SYN3: variants seen among roughly 807,000 people sequenced by gnomAD.
SYN3 encodes synapsin III.
SYN3 carries 35 observed loss-of-function variants against 65.8 expected under a neutral mutation model. The ratio of observed to expected loss-of-function variants is 0.53; its 90% CI spans 0.41 to 0.70. SYN3 has a LOEUF of 0.70. SYN3 is among the 30% of genes least tolerant of loss of function. The pLI, the probability that SYN3 is intolerant of heterozygous loss-of-function variation, is 0.00. For synonymous variants in SYN3, 270 were observed against 292.9 expected, an observed-to-expected ratio of 0.92 and a Z score of 0.80; for missense variants, 680 against 749.0, an observed-to-expected ratio of 0.91 and a Z score of 1.08.
At chr22:32,544,740 T>G (rs1411417685) in intron 7 of SYN3, among the ~76,000 whole-genome samples, 1 of 152,200 alleles carries the variant, frequency 6.6e-6, no homozygotes, top group African/African-American at 2.4e-5. Context: ...GTGGAGAGAA[T>G]CGGAATTGCC....
intron 7 of SYN3, among the ~76,000 whole-genome samples, chr22:32,543,009 G>A (rs950889441): frequency 7.2e-5 from 11 of 152,100 alleles, no homozygotes. Flanking sequence ...GCAGAGCCCT[G>A]TGGAGTGGCC....
intron 1 of SYN3, among the ~76,000 whole-genome samples, chr22:33,026,590 T>C (rs1039459825): frequency 6.6e-6 from 1 of 152,224 alleles, no homozygotes; most frequent in Non-Finnish European, 1.5e-5. Flanking sequence ...CTTTGACCAG[T>C]TGGGCTCTCT....
At chr22:32,561,184 A>C (rs901632534) in intron 7 of SYN3, among the ~76,000 whole-genome samples, 55 of 152,140 alleles carry the variant, frequency 3.6e-4, no homozygotes, top group Non-Finnish European at 7.9e-4. Context: ...TGAAGCCCAG[A>C]ATGTCACCTG....
intron 4 of SYN3, among the ~76,000 whole-genome samples, chr22:32,921,938 C>T (rs1428835436): frequency 6.6e-6 from 1 of 152,170 alleles, no homozygotes; most frequent in Non-Finnish European, 1.5e-5. Flanking sequence ...CTGCAGCCTG[C>T]TCCAGAACTG....
At chr22:33,007,847 T>C (rs2053236722) in intron 1 of SYN3, among the ~76,000 whole-genome samples, 1 of 152,274 alleles carries the variant, frequency 6.6e-6, no homozygotes, top group Non-Finnish European at 1.5e-5. Context: ...AAACCCACAC[T>C]GTTCATTTGA....
At chr22:32,521,442 A>T (rs1367137781) in intron 12 of SYN3, among the ~76,000 whole-genome samples, 8 of 119,752 alleles carry the variant, frequency 6.7e-5, no homozygotes, top group African/African-American at 1.3e-4. Flanking sequence ...ACACCTCTTG[A>T]TTTTTTTTTT....
chr22:32,991,685 T>C (rs1289340681), intron 2 of SYN3, among the ~76,000 whole-genome samples: 1 of 152,198 alleles, frequency 6.6e-6, no homozygotes, highest in Non-Finnish European at 1.5e-5. Context: ...CGGACTGATT[T>C]GTCCCCTCTG....
At chr22:32,544,223 C>T (rs1388252805) in intron 7 of SYN3, among the ~76,000 whole-genome samples, 4 of 152,232 alleles carry the variant, frequency 2.6e-5, no homozygotes. Context: ...CACACTCGAG[C>T]CACTGCGCCT....
intron 1 of SYN3, among the ~76,000 whole-genome samples, chr22:33,054,764 C>T (rs533731199): frequency 6.6e-6 from 1 of 152,332 alleles, no homozygotes; most frequent in South Asian, 2.1e-4. Flanking sequence ...CTTGTTATGG[C>T]TGAGTAACAT....
intron 4 of SYN3, among the ~76,000 whole-genome samples, chr22:32,892,209 G>C (rs1418456371): frequency 6.6e-6 from 1 of 151,980 alleles, no homozygotes; most frequent in Non-Finnish European, 1.5e-5. Context: ...GGCAGGAGAA[G>C]TGCTTGAACC....
chr22:32,574,600 C>T (rs1259369607), intron 7 of SYN3, among the ~76,000 whole-genome samples: 2 of 152,210 alleles, frequency 1.3e-5, no homozygotes, highest in Admixed American at 1.3e-4. Flanking sequence ...GTTTCTCTGA[C>T]CTCATCTCCT....
chr22:32,551,117 TG>T (rs371997088), intron 7 of SYN3, among the ~76,000 whole-genome samples: 2 of 152,160 alleles, frequency 1.3e-5, no homozygotes, highest in African/African-American at 4.8e-5. Context: ...AGCTACTAAA[TG>T]CAAAAGAAAT....
intron 1 of SYN3, among the ~76,000 whole-genome samples, chr22:33,010,938 A>C (rs2053335745): frequency 6.6e-6 from 1 of 152,212 alleles, no homozygotes; most frequent in Non-Finnish European, 1.5e-5. Context: ...TATTATTTTC[A>C]ATATACTGAC....
At chr22:32,639,788 C>T (rs2059869916) in intron 6 of SYN3, among the ~76,000 whole-genome samples, 1 of 152,174 alleles carries the variant, frequency 6.6e-6, no homozygotes, top group South Asian at 2.1e-4. Context: ...CTCAAGGAAT[C>T]CTCCCACCTT....
chr22:32,713,830 C>CAAAAAAA (rs5845019), intron 6 of SYN3, among the ~76,000 whole-genome samples: 2 of 105,864 alleles, frequency 1.9e-5, no homozygotes, highest in Non-Finnish European at 4.4e-5. Flanking sequence ...GACCCCGTCT[C>CAAAAAAA]AAAAAAAAAA....
At chr22:32,520,344 C>T (rs2057858428) in intron 12 of SYN3, among the ~76,000 whole-genome samples, 1 of 151,562 alleles carries the variant, frequency 6.6e-6, no homozygotes, top group African/African-American at 2.4e-5. Context: ...GCTGTGTTGC[C>T]CAGGCTGGTC....
intron 6 of SYN3, among the ~76,000 whole-genome samples, chr22:32,642,724 G>T (rs189399026): frequency 1.3e-5 from 2 of 151,846 alleles, no homozygotes; most frequent in African/African-American, 4.8e-5. Context: ...CACCGTACCC[G>T]GCCTTATTTT....
intron 7 of SYN3, among the ~76,000 whole-genome samples, chr22:32,579,710 G>A (rs900393442): frequency 2.0e-5 from 3 of 152,182 alleles, no homozygotes; most frequent in African/African-American, 4.8e-5. Flanking sequence ...TGCCCCAGCC[G>A]CTTGGGTCAC....
At chr22:32,793,295 T>A (rs1489214528) in intron 6 of SYN3, among the ~76,000 whole-genome samples, 1 of 152,198 alleles carries the variant, frequency 6.6e-6, no homozygotes, top group Non-Finnish European at 1.5e-5. Flanking sequence ...CTTCTGCCAA[T>A]AATCTGGTGT....
Sources: gnomAD v4.1 joint callset for allele counts (sites outside exome capture counted in the v4.1 genomes callset) on GRCh38, gnomAD v4.1.1 for gene constraint, MANE v1.5 for transcripts, NCBI Gene and HGNC (gene_info 2026-07-23, HGNC 2026-07-21) for gene names.